The following MEF2C variants were observed in gnomAD, a reference collection of about 807,000 sequenced individuals.
MEF2C encodes myocyte enhancer factor 2C.
In MEF2C, 6 loss-of-function variants were observed where a neutral mutation model predicts 50.5. The ratio of observed to expected loss-of-function variants is 0.12; its 90% confidence interval spans 0.07 to 0.23. MEF2C has a LOEUF of 0.23. MEF2C is among the 10% of genes least tolerant of loss of function. The probability of loss-of-function intolerance (pLI) is 1.00; values close to 1 mark genes in which losing one functional copy is unlikely to be tolerated. For synonymous variants in MEF2C, 183 were observed against 228.0 expected, an observed-to-expected ratio of 0.80 and a Z score of 1.78; for missense variants, 276 against 605.0, an observed-to-expected ratio of 0.46 and a Z score of 5.70.
chr5:88,736,387 G>C lies in MEF2C; in HGVS notation c.638-4486C>G, dbSNP rs1417027627. On this transcript the variant is annotated intron_variant, in intron 6 of 10. Transcript: ENST00000504921. ...CGGGCGCCTGTAGTCCCAGCTACTCGGGAGGCTGAGGCAGGAGAATGGCGT... is the reference window on the plus strand; with the variant it reads ...CGGGCGCCTGTAGTCCCAGCTACTCCGGAGGCTGAGGCAGGAGAATGGCGT... 3.6e-5 allele frequency among the ~76,000 whole-genome samples: 2 copies of C among 55,714 alleles called. 1 individual carries two copies. The highest frequency in any genetic ancestry group is 9.3e-5 in the Non-Finnish European group (2 of 21,574). The allele number at this position is 55,714 out of a possible 152,430, so 36.6% of individuals were successfully genotyped here.
At chr5:88,873,633 A>G (rs1171298178) in intron 1 of MEF2C, among the ~76,000 whole-genome samples, 1 of 151,342 alleles carries the variant, frequency 6.6e-6, no homozygotes. Context: ...TTTCAACCCA[A>G]GAGTCATAGG....
chr5:88,863,345 G>T (rs746367428), intron 1 of MEF2C, among the ~76,000 whole-genome samples: 18 of 152,184 alleles, frequency 1.2e-4, no homozygotes, highest in Non-Finnish European at 2.5e-4. Context: ...TTAGTGAAAA[G>T]TTGACTGATG....
chr5:88,772,287 T>C (rs1028267031), intron 3 of MEF2C: 4 of 152,228 alleles, frequency 2.6e-5, no homozygotes, highest in Non-Finnish European at 4.4e-5. Flanking sequence ...AGATATCAAA[T>C]TCCTCATTTC....
intron 3 of MEF2C, chr5:88,766,963 G>T: frequency 3.8e-6 from 1 of 260,986 alleles, no homozygotes; most frequent in Non-Finnish European, 6.0e-6. Context: ...TCTTTAGAAA[G>T]TAGTAAATTC....
At chr5:88,734,562 T>C (rs1489389825) in intron 6 of MEF2C, 1 of 500,514 alleles carries the variant, frequency 2.0e-6, no homozygotes, top group East Asian at 2.2e-4. Flanking sequence ...TTGAGAAAAG[T>C]TTGTTTTTTT....
chr5:88,863,979 G>A lies in MEF2C; in HGVS notation c.-143+18976C>T, dbSNP rs1224351171. 5.9e-5 allele frequency among the ~76,000 whole-genome samples: 9 copies of A among 151,882 alleles called. No homozygotes were observed. The East Asian group carries it at 1.7e-3, about 29-fold the overall frequency. On this transcript the variant is annotated intron_variant, in intron 1 of 10. Transcript: ENST00000504921. ...AGGGATTACAGGGATGTGCCACCAC[G>A]CTTGGCTCTATTTTGTATTTTTAGT... is the stretch of plus-strand genomic sequence containing the variant.
At chr5:88,794,898 G>C (rs1478325379) in intron 3 of MEF2C, among the ~76,000 whole-genome samples, 1 of 152,156 alleles carries the variant, frequency 6.6e-6, no homozygotes, top group South Asian at 2.1e-4. Context: ...ATTAAATAGA[G>C]AATCGTTTCT....
chr5:88,734,964 C>T (rs1051500914), intron 6 of MEF2C: 4 of 985,182 alleles, frequency 4.1e-6, no homozygotes, highest in South Asian at 4.7e-5. Flanking sequence ...TGAATTTCTG[C>T]TGTTTTTAGC....
intron 2 of MEF2C, among the ~76,000 whole-genome samples, chr5:88,820,780 C>T (rs1385383928): frequency 6.6e-6 from 1 of 151,966 alleles, no homozygotes; most frequent in Non-Finnish European, 1.5e-5. Context: ...GTATGATATG[C>T]TGTTTCGGAT....
At position 88,728,540 on chromosome 5, in the gene MEF2C, T is replaced by C. The variant is rs970307256; in HGVS notation, c.1053A>G (p.Gln351=). Residue 351 remains glutamine, a synonymous_variant, in exon 10 of 11, where the codon CAA becomes CAG. Transcript: ENST00000504921. ...ALHLGSVTGW[Q]QQHLHNMPPS... ...GTGGCATGTTATGTAGGTGTTGCTG[T>C]TGCCAGCCAGTTACTGAACCAAGGT... is the stretch of plus-strand genomic sequence containing the variant. 16 of 1,536,658 alleles carry C rather than the reference T, an allele frequency of 1.0e-5. No individual in the cohort carries two copies. The highest frequency in any genetic ancestry group is 1.3e-5 in the Non-Finnish European group (15 of 1,138,498).
chr5:88,781,392 T>TCCCC (rs1787943494), intron 3 of MEF2C, among the ~76,000 whole-genome samples: 3 of 152,192 alleles, frequency 2.0e-5, no homozygotes, highest in Admixed American at 2.0e-4. Context: ...AGTTAATTCT[T>TCCCC]ACAGGAAGAC....
intron 1 of MEF2C, among the ~76,000 whole-genome samples, chr5:88,866,062 A>AT (rs1352843542): frequency 1.3e-5 from 2 of 151,990 alleles, no homozygotes; most frequent in African/African-American, 4.8e-5. Context: ...CGCCCGGCTA[A>AT]TTTTTTGTAT....
chr5:88,817,394 C>CAG (rs760666431), intron 2 of MEF2C, among the ~76,000 whole-genome samples: 133 of 151,872 alleles, frequency 8.8e-4, no homozygotes, highest in South Asian at 1.9e-3. Flanking sequence ...TAGAAACTGT[C>CAG]AGAAGCTGCA....
At chr5:88,760,229 G>A (rs1777232373) in intron 4 of MEF2C, among the ~76,000 whole-genome samples, 1 of 152,220 alleles carries the variant, frequency 6.6e-6, no homozygotes, top group Non-Finnish European at 1.5e-5. Flanking sequence ...TCCTATATAT[G>A]TGGACAACAA....
intron 6 of MEF2C, chr5:88,737,096 T>C (rs1764448840): frequency 2.0e-6 from 2 of 985,018 alleles, no homozygotes; most frequent in South Asian, 4.7e-5. Context: ...AATTAAGAAT[T>C]ATTCAGGAAA....
intron 1 of MEF2C, chr5:88,843,403 A>G: frequency 2.0e-6 from 2 of 985,322 alleles, no homozygotes; most frequent in Non-Finnish European, 2.4e-6. Flanking sequence ...TTAAGCTAAA[A>G]AAATCAATCT....
chr5:88,731,580 G>T, intron 7 of MEF2C, 149 bp downstream of exon 7: 2 of 695,956 alleles, frequency 2.9e-6, no homozygotes, highest in Non-Finnish European at 4.8e-6. Flanking sequence ...AGAAATAATA[G>T]CTAAATACAA....
intron 1 of MEF2C, among the ~76,000 whole-genome samples, chr5:88,891,550 C>T (rs1365481547): frequency 6.6e-6 from 1 of 151,898 alleles, no homozygotes; most frequent in Non-Finnish European, 1.5e-5. Context: ...CTACAGGCGT[C>T]CACCACCACG....
chr5:88,741,456 T>G, intron 6 of MEF2C: 6 of 985,396 alleles, frequency 6.1e-6, no homozygotes, highest in Non-Finnish European at 7.2e-6. Context: ...GTTGTTTTAT[T>G]TTTTTGAATA....
Sources: gnomAD v4.1 joint callset for allele counts (sites outside exome capture counted in the v4.1 genomes callset) on GRCh38, gnomAD v4.1.1 for gene constraint, MANE v1.5 for transcripts, NCBI Gene and HGNC (gene_info 2026-07-23, HGNC 2026-07-21) for gene names.